Variants in H2AC25 observed in about 807,000 individuals in gnomAD.
The protein encoded by H2AC25 is histone H2A type 3.
At chr1:228,457,419 G>T in the H2AC25 span, 1 of 1,613,768 alleles carries the variant, frequency 6.2e-7, no homozygotes, top group Non-Finnish European at 8.5e-7. Flanking sequence ...GGGGCGGCGG[G>T]CGGCCTCACT....
the H2AC25 span, chr1:228,457,694 C>G: frequency 6.2e-7 from 1 of 1,613,496 alleles, no homozygotes; most frequent in Non-Finnish European, 8.5e-7. Flanking sequence ...CCCACGCGCT[C>G]CGAATAGTTG....
chr1:228,457,552 C>T, the H2AC25 span: 2 of 1,614,084 alleles, frequency 1.2e-6, no homozygotes, highest in Non-Finnish European at 1.7e-6. Context: ...CTCGTCGTTG[C>T]GGATGGCCAG....
chr1:228,457,860 AC>A, the H2AC25 span: 1 of 1,568,530 alleles, frequency 6.4e-7, no homozygotes, highest in Non-Finnish European at 8.6e-7. Context: ...GAAAAGCGAG[AC>A]TAAAAACAAG....
At chr1:228,457,443 G>C in the H2AC25 span, 23 of 1,614,090 alleles carry the variant, frequency 1.4e-5, no homozygotes, top group South Asian at 3.3e-5. Context: ...CCTTGGCCTT[G>C]TGGTGGCTCT....
chr1:228,457,695 C>T, the H2AC25 span: 2 of 1,613,476 alleles, frequency 1.2e-6, no homozygotes, highest in Non-Finnish European at 8.5e-7. Flanking sequence ...CCACGCGCTC[C>T]GAATAGTTGC....
the H2AC25 span, chr1:228,457,437 G>A: frequency 2.5e-6 from 4 of 1,614,058 alleles, no homozygotes; most frequent in Admixed American, 1.7e-5. Flanking sequence ...ACTTGCCCTT[G>A]GCCTTGTGGT....
chr1:228,457,633 TCGGCAGTCAAGTACTCGAGCA>T, the H2AC25 span: 1 of 1,613,858 alleles, frequency 6.2e-7, no homozygotes, highest in Non-Finnish European at 8.5e-7. Context: ...CTCCAGGATC[TCGGCAGTCAAGTACTCGAGCA>T]CCGCGGCCAG....
At chr1:228,457,456 G>A in the H2AC25 span, 9 of 1,614,100 alleles carry the variant, frequency 5.6e-6, no homozygotes, top group East Asian at 2.2e-5. Context: ...GTGGCTCTCC[G>A]TCTTCTTGGG....
At chr1:228,457,873 G>T in the H2AC25 span, 10 of 1,554,042 alleles carry the variant, frequency 6.4e-6, no homozygotes, top group Non-Finnish European at 8.7e-6. Context: ...AAAAACAAGA[G>T]GGCAGTGAAG....
At chr1:228,457,635 G>T in the H2AC25 span, 1 of 1,613,766 alleles carries the variant, frequency 6.2e-7, no homozygotes, top group Non-Finnish European at 8.5e-7. Context: ...CCAGGATCTC[G>T]GCAGTCAAGT....
At chr1:228,457,696 G>A in the H2AC25 span, 4 of 1,613,450 alleles carry the variant, frequency 2.5e-6, no homozygotes, top group Non-Finnish European at 3.4e-6. Context: ...CACGCGCTCC[G>A]AATAGTTGCC....
the H2AC25 span, chr1:228,457,825 T>A: frequency 6.3e-7 from 1 of 1,584,196 alleles, no homozygotes; most frequent in Non-Finnish European, 8.6e-7. Context: ...CATTTCCGAG[T>A]CAAGGAAAAA....
the H2AC25 span, chr1:228,457,870 A>C: frequency 6.4e-7 from 1 of 1,561,542 alleles, no homozygotes; most frequent in Non-Finnish European, 8.6e-7. Context: ...ACTAAAAACA[A>C]GAGGGCAGTG....
chr1:228,457,675 G>A, the H2AC25 span: 19 of 1,613,570 alleles, frequency 1.2e-5, no homozygotes, highest in Non-Finnish European at 1.5e-5. Context: ...ATAGACCGGG[G>A]CGCCGGCGCC....
the H2AC25 span, chr1:228,457,754 C>A: frequency 2.5e-6 from 4 of 1,611,186 alleles, no homozygotes; most frequent in African/African-American, 5.3e-5. Flanking sequence ...TGCAGCCCCG[C>A]GCGCGACGAG....
the H2AC25 span, chr1:228,457,655 C>T: frequency 1.3e-5 from 21 of 1,613,840 alleles, no homozygotes; most frequent in East Asian, 2.2e-5. Context: ...TACTCGAGCA[C>T]CGCGGCCAGA....
the H2AC25 span, chr1:228,457,681 G>T: frequency 6.2e-7 from 1 of 1,613,580 alleles, no homozygotes; most frequent in Non-Finnish European, 8.5e-7. Flanking sequence ...CGGGGCGCCG[G>T]CGCCCACGCG....
the H2AC25 span, chr1:228,457,637 C>G: frequency 9.7e-5 from 157 of 1,613,792 alleles, no homozygotes; most frequent in Non-Finnish European, 1.2e-4. Context: ...AGGATCTCGG[C>G]AGTCAAGTAC....
At chr1:228,457,414 G>T in the H2AC25 span, 6 of 1,613,548 alleles carry the variant, frequency 3.7e-6, no homozygotes, top group Non-Finnish European at 5.1e-6. Context: ...CCCCGGGGGC[G>T]GCGGGCGGCC....
Sources: allele counts gnomAD v4.1 joint callset, GRCh38; gene constraint gnomAD v4.1.1; transcripts MANE v1.5; gene names NCBI Gene and HGNC (gene_info 2026-07-23, HGNC 2026-07-21).